The following CADM2 variants were observed in gnomAD, a reference collection of about 807,000 sequenced individuals.
CADM2 encodes cell adhesion molecule 2.
CADM2 carries 12 observed loss-of-function variants against 49.8 expected under a neutral mutation model. That is an observed-to-expected ratio of 0.24 (90% CI 0.15 to 0.39). The LOEUF (loss-of-function observed/expected upper bound fraction) is 0.39. CADM2 is among the 10% of genes least tolerant of loss of function. CADM2 has a pLI of 1.00. For synonymous variants in CADM2, 214 were observed against 175.4 expected (o/e 1.22, Z -1.74); for missense variants, 378 against 492.3 (o/e 0.77, Z 2.20).
chr3:85,177,091 A>G (rs1283276257), intron 1 of CADM2, among the ~76,000 whole-genome samples: 2 of 152,190 alleles, frequency 1.3e-5, no homozygotes, highest in Non-Finnish European at 2.9e-5. Flanking sequence ...TAGGAGAGAG[A>G]AACAGTGCAA....
At chr3:85,155,031 C>A (rs2040060722) in intron 1 of CADM2, among the ~76,000 whole-genome samples, 1 of 150,636 alleles carries the variant, frequency 6.6e-6, no homozygotes, top group Admixed American at 6.6e-5. Flanking sequence ...ACTGCATCAA[C>A]TAACGAGCAA....
At chr3:85,650,176 T>C (rs1394877395) in intron 1 of CADM2, among the ~76,000 whole-genome samples, 1 of 152,200 alleles carries the variant, frequency 6.6e-6, no homozygotes, top group East Asian at 1.9e-4. Context: ...GCAGCTCTTC[T>C]TCGCCAAGCC....
chr3:85,012,074 G>GTTTTTTTTT (rs1193075907), intron 1 of CADM2, among the ~76,000 whole-genome samples: 22 of 143,718 alleles, frequency 1.5e-4, no homozygotes, highest in African/African-American at 5.1e-4. Flanking sequence ...GAAGGGCCTG[G>GTTTTTTTTT]TTTTTTTTTT....
At chr3:85,708,935 TA>T (rs1306270378) in intron 1 of CADM2, among the ~76,000 whole-genome samples, 46 of 149,586 alleles carry the variant, frequency 3.1e-4, no homozygotes, top group East Asian at 5.9e-4. Context: ...TTTGCTTTTT[TA>T]AAAAAAAAAA....
chr3:84,987,231 A>T (rs1407921408), intron 1 of CADM2, among the ~76,000 whole-genome samples: 1 of 151,722 alleles, frequency 6.6e-6, no homozygotes, highest in Non-Finnish European at 1.5e-5. Context: ...TGAAAGTTCC[A>T]TCTCCCGCAG....
intron 1 of CADM2, among the ~76,000 whole-genome samples, chr3:85,334,795 G>C (rs1046797288): frequency 6.6e-6 from 1 of 151,134 alleles, no homozygotes; most frequent in Non-Finnish European, 1.5e-5. Flanking sequence ...AAATATTGAG[G>C]CTAAATTAAA....
chr3:85,540,271 G>A (rs2061509882), intron 1 of CADM2, among the ~76,000 whole-genome samples: 1 of 151,942 alleles, frequency 6.6e-6, no homozygotes, highest in African/African-American at 2.4e-5. Context: ...TAATTACCAA[G>A]GACAAACACA....
intron 1 of CADM2, among the ~76,000 whole-genome samples, chr3:85,285,201 C>A (rs1480935873): frequency 6.6e-6 from 1 of 152,038 alleles, no homozygotes; most frequent in East Asian, 1.9e-4. Flanking sequence ...CTATTCCACA[C>A]CCAAATGGAA....
intron 1 of CADM2, among the ~76,000 whole-genome samples, chr3:85,536,621 C>A (rs1233249093): frequency 1.3e-5 from 2 of 152,034 alleles, no homozygotes; most frequent in Non-Finnish European, 2.9e-5. Context: ...GATTACTTAA[C>A]AAGGAGGCTT....
In CADM2 at chr3:85,524,484, C is replaced by G. The variant is rs1429111557; in HGVS notation, c.62-202038C>G. Among the ~76,000 whole-genome samples the G allele has an allele frequency of 2.0e-5, 3 of 152,032 alleles. No homozygotes were observed. The South Asian group carries it at 6.2e-4, about 31-fold the overall frequency. On this transcript the variant is annotated intron_variant, in intron 1 of 9. Coordinates refer to ENST00000383699, the MANE Select transcript of CADM2 (RefSeq NM_001167675.2). ...TACTAAAAAACTTTCTGCCATTGTTCAAAGAATATACTTTATATGACTTGA... is the reference window on the plus strand; with the variant it reads ...TACTAAAAAACTTTCTGCCATTGTTGAAAGAATATACTTTATATGACTTGA...
rs1238344402 is a variant in CADM2, at chr3:85,206,294, C to CT, written c.61+246637dup. ...AGCATTCAAAGCACAGAATTTAGGTCTTTTTTTTTTTCTTTTCTTTTTTTT... is the reference window on the plus strand; with the variant it reads ...AGCATTCAAAGCACAGAATTTAGGTCTTTTTTTTTTTTCTTTTCTTTTTTTT... On this transcript the variant is annotated intron_variant, in intron 1 of 9. Transcript: ENST00000383699. 6.2e-4 allele frequency among the ~76,000 whole-genome samples: 87 copies of CT among 139,754 alleles called. No homozygotes were observed. The South Asian group carries it at 7.7e-3, about 12-fold the overall frequency. 91.7% of individuals were successfully genotyped at this position (139,754 alleles called of 152,430 possible).
chr3:85,290,481 G>A (rs774177874), intron 1 of CADM2, among the ~76,000 whole-genome samples: 5 of 152,172 alleles, frequency 3.3e-5, no homozygotes, highest in Non-Finnish European at 7.3e-5. Flanking sequence ...CCATCTCTGG[G>A]GGCAGGGAAC....
intron 1 of CADM2, among the ~76,000 whole-genome samples, chr3:85,410,429 C>T (rs1393817001): frequency 1.3e-5 from 2 of 152,044 alleles, no homozygotes; most frequent in Non-Finnish European, 2.9e-5. Flanking sequence ...TTGTATATTA[C>T]GTGCTGATTT....
intron 1 of CADM2, among the ~76,000 whole-genome samples, chr3:85,347,588 C>CATATATAAAT (rs1559792553): frequency 7.2e-6 from 1 of 139,266 alleles, no homozygotes; most frequent in Non-Finnish European, 1.5e-5. Flanking sequence ...TACATATATA[C>CATATATAAAT]ATATATATAC....
At chr3:85,173,144 G>A (rs1166465124) in intron 1 of CADM2, among the ~76,000 whole-genome samples, 2 of 150,644 alleles carry the variant, frequency 1.3e-5, no homozygotes, top group African/African-American at 2.4e-5. Context: ...ACAGGTGCCC[G>A]CCACCATGCC....
chr3:85,696,976 G>C (rs997080498), intron 1 of CADM2, among the ~76,000 whole-genome samples: 1 of 151,484 alleles, frequency 6.6e-6, no homozygotes, highest in Admixed American at 6.6e-5. Flanking sequence ...TACTATTTAA[G>C]TCTTTGTGAC....
At chr3:85,466,316 A>G (rs2038488921) in intron 1 of CADM2, among the ~76,000 whole-genome samples, 1 of 152,226 alleles carries the variant, frequency 6.6e-6, no homozygotes, top group Non-Finnish European at 1.5e-5. Flanking sequence ...TTTGTGGGTT[A>G]TAATTTGATC....
chr3:85,761,479 C>A (rs1431656523), intron 2 of CADM2, among the ~76,000 whole-genome samples: 2 of 148,252 alleles, frequency 1.3e-5, no homozygotes, highest in Admixed American at 1.4e-4. Flanking sequence ...CGGGTTCAAG[C>A]AACTGTCTTA....
intron 2 of CADM2, among the ~76,000 whole-genome samples, chr3:85,768,359 T>G (rs1028284421): frequency 6.6e-6 from 1 of 151,330 alleles, no homozygotes; most frequent in South Asian, 2.1e-4. Flanking sequence ...GGCAGGAGAA[T>G]CACGTGAACC....
Sources: allele counts gnomAD v4.1 joint callset (sites outside exome capture counted in the v4.1 genomes callset), GRCh38; gene constraint gnomAD v4.1.1; transcripts MANE v1.5; gene names NCBI Gene and HGNC (gene_info 2026-07-23, HGNC 2026-07-21).